The following MAP4K2 variants were observed in gnomAD, a reference collection of about 807,000 sequenced individuals.
MAP4K2 encodes mitogen-activated protein kinase kinase kinase kinase 2, also known as B lymphocyte serine/threonine protein kinase.
In MAP4K2, 85 loss-of-function variants were observed where a neutral mutation model predicts 125.3. The observed-to-expected ratio is 0.68, with a 90% CI of 0.57 to 0.81. MAP4K2 has a LOEUF of 0.81. Ranked by LOEUF, MAP4K2 falls within the 40% of genes least tolerant of loss-of-function variation. The pLI, the probability that MAP4K2 is intolerant of heterozygous loss-of-function variation, is 0.00. For missense variants in MAP4K2, 923 were observed against 1,056.4 expected, an observed-to-expected ratio of 0.87 and a Z score of 1.75; for synonymous variants, 479 against 445.1, an observed-to-expected ratio of 1.08 and a Z score of -0.96.
At chr11:64,790,858 G>A (rs1013910245) in intron 27 of MAP4K2, among the ~76,000 whole-genome samples, 1 of 152,228 alleles carries the variant, frequency 6.6e-6, no homozygotes, top group African/African-American at 2.4e-5. Context: ...ATCCTGGGCT[G>A]GGCGCAGTGG....
At chr11:64,792,954 C>T (rs755441342) in intron 24 of MAP4K2, among the ~76,000 whole-genome samples, 3 of 152,326 alleles carry the variant, frequency 2.0e-5, no homozygotes, top group Non-Finnish European at 2.9e-5. Flanking sequence ...CAACGGCTCA[C>T]GCCTGTAATC....
Position 64,792,063 on chromosome 11 carries a change from G to A in MAP4K2, c.1938C>T (p.Ser646=). ...CCAGCGGCTCCAGCATCCCAGCTGG[G>A]CTGGGCAGAGGGCTGGAGAAGTTCT... ...LLKNFSSPLP[S]PAGMLEPLVL... is the part of the protein sequence containing the mutation. Residue 646 remains serine (S), a synonymous_variant, in exon 27 of 32, where the codon AGC becomes AGT. Coordinates refer to ENST00000294066, the MANE Select transcript of MAP4K2 (RefSeq NM_004579.5). The A allele has an allele frequency of 1.3e-6, 2 of 1,590,688 alleles. No individual in the cohort carries two copies. Among genetic ancestry groups the A allele is most frequent in the East Asian group, 2.3e-5 (1 of 43,702 alleles).
At position 64,803,026 on chromosome 11, in the gene MAP4K2, C is replaced by T. The variant is rs750442476; in HGVS notation, c.96+28G>A. 6.9e-6 allele frequency: 11 copies of T among 1,593,868 alleles called. No homozygotes were observed. The South Asian group carries it at 7.9e-5, about 11-fold the overall frequency. On this transcript the variant is annotated intron_variant, in intron 1 of 31. Transcript: ENST00000294066. ...CGGGGTGCGGGGCTGGCACCCTCCTCCCGGCTCTCCCGCCCGTCCCGTCGC... is the reference window on the plus strand; with the variant it reads ...CGGGGTGCGGGGCTGGCACCCTCCTTCCGGCTCTCCCGCCCGTCCCGTCGC...
chr11:64,786,502 C>G lies in MAP4K2; in HGVS notation c.*3035G>C, dbSNP rs1357995462. On this transcript the variant is annotated 3_prime_UTR_variant, in exon 32 of 32. Transcript: ENST00000294066. ...TCCTCCGCCGTCCCGAAGCACACAT[C>G]ATGGTGCTCCCCTTGACTTTCACCA... 1 of 152,266 alleles carries G rather than the reference C, an allele frequency of 6.6e-6. No homozygotes were observed. Among genetic ancestry groups the G allele is most frequent in the Non-Finnish European group, 1.5e-5 (1 of 68,060 alleles). 9.4% of individuals were successfully genotyped at this position (152,266 alleles called of 1,614,324 possible).
Position 64,797,639 on chromosome 11 carries a change from C to A in MAP4K2, c.1123G>T (p.Ala375Ser). 1 of 1,580,820 alleles carries A rather than the reference C, an allele frequency of 6.3e-7. No individual in the cohort carries two copies. The highest frequency in any genetic ancestry group is 8.6e-7 in the Non-Finnish European group (1 of 1,162,380). The change falls in exon 16 of 32, where the codon GCC (alanine) becomes TCC (serine). Residue 375 changes from alanine (A) to serine (S), a missense_variant. By Grantham distance (99) the Ala-to-Ser change is moderately conservative. Around this residue, in one of 2 missense-constraint regions of MAP4K2, gnomAD observed 833 missense variants for 911.4 expected, o/e 0.91. Transcript: ENST00000294066. ...SGSLLQSVQEALEERSLTIRS... is the reference protein window; with the variant it reads ...SGSLLQSVQESLEERSLTIRS... ...CACATCCCTCACCTTTCCTCCAGGG[C>A]CTCCTGGACCGACTGCAGCAGGCTC...
At chr11:64,795,467 C>T (rs1007825161) in intron 24 of MAP4K2, among the ~76,000 whole-genome samples, 1 of 151,802 alleles carries the variant, frequency 6.6e-6, no homozygotes, top group Non-Finnish European at 1.5e-5. Flanking sequence ...GTGGCGTGAT[C>T]CCGGCTCACT....
rs372360647 is a variant in MAP4K2, at chr11:64,792,301, C to T, written c.1811-26G>A. 4 of 1,595,626 alleles carry T rather than the reference C, an allele frequency of 2.5e-6. No homozygotes were observed. In the East Asian group the frequency reaches 6.8e-5, roughly 27 times the overall value. ...CTGGCAGGGGAGCAGGCAGTGGGCA[C>T]CGGGCTGGGCCTGCGCTGCCCCCCA... is the stretch of plus-strand genomic sequence containing the variant. On this transcript the variant is annotated intron_variant, in intron 25 of 31. Transcript: ENST00000294066.
At position 64,790,015 on chromosome 11, in the gene MAP4K2, C is replaced by T. The variant is rs201615249; in HGVS notation, c.2249-56G>A. On this transcript the variant is annotated intron_variant, in intron 29 of 31. Transcript: ENST00000294066. ...ACCCATCTTGGCACCCCCTCAGCCA[C>T]GCCTGAGCCTGGGTCTGGGCCACAG... is the stretch of plus-strand genomic sequence containing the variant. 437 of 1,597,024 alleles carry T rather than the reference C, an allele frequency of 2.7e-4. 6 individuals are homozygous for T. In the East Asian group the frequency reaches 8.2e-3, roughly 30 times the overall value.
intron 29 of MAP4K2, 40 bp from the exon 30 acceptor site, chr11:64,789,999 G>A: frequency 2.5e-6 from 4 of 1,608,300 alleles, no homozygotes; most frequent in Non-Finnish European, 3.4e-6. Context: ...CACCCATCTT[G>A]GCACCCCCTC....
Position 64,803,164 on chromosome 11 carries a change from C to A in MAP4K2, c.-15G>T. ...AGCAGCGCCATGGCCCGGCGCCGGG[C>A]GGGCCGGCAGGCGGGCGGGCGCGAG... On this transcript the variant is annotated 5_prime_UTR_variant, in exon 1 of 32. Coordinates refer to ENST00000294066, the MANE Select transcript of MAP4K2 (RefSeq NM_004579.5). 1.6e-6 allele frequency: 2 copies of A among 1,237,456 alleles called. No homozygotes were observed. Among genetic ancestry groups the A allele is most frequent in the South Asian group, 5.0e-5 (2 of 40,108 alleles). The allele number at this position is 1,237,456 out of a possible 1,614,324, so 76.7% of individuals were successfully genotyped here.
chr11:64,799,314 G>A (rs1356816883), intron 14 of MAP4K2, 107 bp downstream of exon 14: 22 of 1,409,568 alleles, frequency 1.6e-5, no homozygotes, highest in Middle Eastern at 2.5e-4. Flanking sequence ...CCCAAGGCCC[G>A]AGGCCACCCA....
At position 64,790,173 on chromosome 11, in the gene MAP4K2, C is replaced by T. The variant is rs1940390712; in HGVS notation, c.2248+15G>A. The T allele has an allele frequency of 6.2e-7, 1 of 1,614,098 alleles. No homozygotes were observed. Among genetic ancestry groups the T allele is most frequent in the Non-Finnish European group, 8.5e-7 (1 of 1,179,960 alleles). ...GGCCAGGGAAAGGCCTGCACCCCAC[C>T]TCTGGCTCACTCACCCACAGTCTCG... On this transcript the variant is annotated intron_variant, in intron 29 of 31. Coordinates refer to ENST00000294066, the MANE Select transcript of MAP4K2 (RefSeq NM_004579.5).
chr11:64,797,032 G>A lies in MAP4K2; in HGVS notation c.1366-9C>T, dbSNP rs374364877. 6.2e-7 allele frequency: 1 copy of A among 1,613,964 alleles called. No individual in the cohort carries two copies. The highest frequency in any genetic ancestry group is 8.5e-7 in the Non-Finnish European group (1 of 1,180,006). ...CCGTGGCAGGATGACCTCTGGGAGG[G>A]AGGAAAGGAGTCAGGGCTGATATGA... On this transcript the variant is annotated splice_polypyrimidine_tract_variant and intron_variant, in intron 19 of 31. Coordinates refer to ENST00000294066, the MANE Select transcript of MAP4K2 (RefSeq NM_004579.5).
At chr11:64,790,038 C>T in intron 29 of MAP4K2, 79 bp from the exon 30 acceptor site, 2 of 1,567,532 alleles carry the variant, frequency 1.3e-6, no homozygotes, top group Non-Finnish European at 8.7e-7. Context: ...GTCTGGGCCA[C>T]AGGGGTCCTC....
intron 24 of MAP4K2, among the ~76,000 whole-genome samples, chr11:64,795,539 T>A (rs1446661604): frequency 6.6e-6 from 1 of 152,128 alleles, no homozygotes; most frequent in African/African-American, 2.4e-5. Flanking sequence ...TAGCTGGGAC[T>A]ACAGGCATGT....
At position 64,801,989 on chromosome 11, in the gene MAP4K2, C is replaced by T. The variant is rs1026449509; in HGVS notation, c.366+77G>A. On this transcript the variant is annotated intron_variant, in intron 5 of 31. Coordinates refer to ENST00000294066, the MANE Select transcript of MAP4K2 (RefSeq NM_004579.5). ...GCCCCACCCGAGGCACTCCACCCGCCTCCCTGCTGGTCATCTGGGCTCCTG... is the reference window on the plus strand; with the variant it reads ...GCCCCACCCGAGGCACTCCACCCGCTTCCCTGCTGGTCATCTGGGCTCCTG... The T allele has an allele frequency of 7.5e-6, 11 of 1,472,466 alleles. No individual in the cohort carries two copies. The South Asian group carries it at 1.1e-4, about 15-fold the overall frequency. The allele number at this position is 1,472,466 out of a possible 1,614,324, so 91.2% of individuals were successfully genotyped here. A position where few individuals can be genotyped will look rare whatever the true frequency, so the allele number is the denominator to read the frequency against.
chr11:64,793,482 G>A lies in MAP4K2; in HGVS notation c.1752-1060C>T, dbSNP rs183038323. On this transcript the variant is annotated intron_variant, in intron 24 of 31. Transcript: ENST00000294066. The stretch of plus-strand genomic sequence containing the variant: ...GTGAGGAAAAGTTATCAGAGGGGCC[G>A]TTGCCTTGGCCACTGAGTGTCCCCT... Among the ~76,000 whole-genome samples the A allele has an allele frequency of 1.1e-3, 167 of 152,294 alleles. 1 individual carries two copies. Among genetic ancestry groups the A allele is most frequent in the Middle Eastern group, 3.4e-3 (1 of 294 alleles).
intron 11 of MAP4K2, 32 bp from the exon 12 acceptor site, chr11:64,800,248 G>A (rs1378812401): frequency 6.2e-7 from 1 of 1,610,686 alleles, no homozygotes; most frequent in Admixed American, 1.7e-5. Context: ...TGATCAGGTT[G>A]GCCCCTGATC....
At position 64,800,422 on chromosome 11, in the gene MAP4K2, G is replaced by A. The variant is rs141727254; in HGVS notation, c.726-30C>T. On this transcript the variant is annotated intron_variant, in intron 10 of 31. Transcript: ENST00000294066. ...AAGGCACAAGAGCCCCCCAGCGCCA[G>A]ATCCAGGTTAGCCCTCGTGCAGGGT... 4.3e-4 allele frequency: 688 copies of A among 1,610,148 alleles called. 5 individuals carry two copies. In the African/African-American group the frequency reaches 7.9e-3, roughly 19 times the overall value.
Sources: allele counts gnomAD v4.1 joint callset (sites outside exome capture counted in the v4.1 genomes callset), GRCh38; gene constraint gnomAD v4.1.1; regional missense constraint gnomAD v4.1.1; transcripts MANE v1.5; gene names NCBI Gene and HGNC (gene_info 2026-07-23, HGNC 2026-07-21).